The following PPP1R1C variants were observed in gnomAD, a reference collection of about 807,000 sequenced individuals.
PPP1R1C encodes the protein protein phosphatase 1 regulatory inhibitor subunit 1C.
A neutral mutation model predicts 17.4 loss-of-function variants in PPP1R1C; 15 were observed. The ratio of observed to expected loss-of-function variants is 0.86; its 90% confidence interval spans 0.58 to 1.33. PPP1R1C has a LOEUF of 1.33. Ranked by LOEUF, PPP1R1C falls within the 40% of genes most tolerant of loss-of-function variation. PPP1R1C has a pLI of 0.00. For synonymous variants in PPP1R1C, 35 were observed against 43.1 expected (o/e 0.81, Z 0.73); for missense variants, 143 against 130.0 (o/e 1.10, Z -0.48).
At chr2:182,094,679 T>G (rs1688880245) in intron 4 of PPP1R1C, among the ~76,000 whole-genome samples, 1 of 152,192 alleles carries the variant, frequency 6.6e-6, no homozygotes, top group African/African-American at 2.4e-5. Flanking sequence ...TGTAGGCTAA[T>G]GTAAGTGTTT....
intron 1 of PPP1R1C, among the ~76,000 whole-genome samples, chr2:181,955,026 C>A (rs1280401847): frequency 6.6e-6 from 1 of 152,150 alleles, no homozygotes; most frequent in Non-Finnish European, 1.5e-5. Context: ...CCTCTGTCAG[C>A]TTTATAAGCT....
At chr2:182,029,109 G>A (rs9678052) in intron 2 of PPP1R1C, among the ~76,000 whole-genome samples, 3 of 133,156 alleles carry the variant, frequency 2.3e-5, no homozygotes, top group Admixed American at 2.2e-4. Context: ...TGTGTGTCTC[G>A]GCATGTGAGA....
Position 182,100,508 on chromosome 2 carries a change from C to G in PPP1R1C, c.242-16699C>G, listed in dbSNP as rs943148206. Among the ~76,000 whole-genome samples, 238 of 141,618 alleles carry G rather than the reference C, an allele frequency of 1.7e-3. 1 individual carries two copies. The highest frequency in any genetic ancestry group is 6.1e-3 in the African/African-American group (229 of 37,660). The allele number at this position is 141,618 out of a possible 152,430, so 92.9% of individuals were successfully genotyped here. A position where few individuals can be genotyped will look rare whatever the true frequency, so the allele number is the denominator to read the frequency against. On this transcript the variant is annotated intron_variant, in intron 4 of 4. Transcript: ENST00000682840. ...CTAGCAACAGAGCGAGATTCCATCT[C>G]GGAAAAAAAAAAAAAAGACGGGGAG...
At chr2:181,968,166 T>C (rs1379306589) in intron 1 of PPP1R1C, among the ~76,000 whole-genome samples, 1 of 152,230 alleles carries the variant, frequency 6.6e-6, no homozygotes, top group Non-Finnish European at 1.5e-5. Flanking sequence ...GATTATGTAT[T>C]CTTTAGTTGT....
intron 2 of PPP1R1C, among the ~76,000 whole-genome samples, chr2:182,061,000 T>C (rs1193953703): frequency 1.3e-5 from 2 of 152,142 alleles, no homozygotes; most frequent in African/African-American, 4.8e-5. Flanking sequence ...GATACTGCCT[T>C]CCTTGTAGTC....
chr2:182,051,417 A>G (rs1687513317), intron 2 of PPP1R1C, among the ~76,000 whole-genome samples: 1 of 152,224 alleles, frequency 6.6e-6, no homozygotes, highest in Admixed American at 6.5e-5. Context: ...GCAGGCCTAT[A>G]CAGGGAGAAG....
At chr2:182,097,824 G>T (rs934418293) in intron 4 of PPP1R1C, among the ~76,000 whole-genome samples, 5 of 152,110 alleles carry the variant, frequency 3.3e-5, no homozygotes, top group Non-Finnish European at 7.4e-5. Context: ...AGGTGTACAT[G>T]AGCAATTTAT....
chr2:182,010,854 GC>G (rs572316896), intron 2 of PPP1R1C, among the ~76,000 whole-genome samples: 31 of 152,026 alleles, frequency 2.0e-4, no homozygotes, highest in South Asian at 8.3e-4. Context: ...TTTGTCAAAT[GC>G]TTTTTCATCA....
intron 2 of PPP1R1C, among the ~76,000 whole-genome samples, chr2:182,033,722 A>G (rs1226426000): frequency 6.6e-6 from 1 of 152,112 alleles, no homozygotes; most frequent in African/African-American, 2.4e-5. Context: ...ATCTGACCAC[A>G]CTATTCCTCT....
chr2:182,004,657 G>T (rs1013888419), intron 2 of PPP1R1C, among the ~76,000 whole-genome samples: 1 of 152,208 alleles, frequency 6.6e-6, no homozygotes, highest in Non-Finnish European at 1.5e-5. Flanking sequence ...TGCCATGTTG[G>T]CAGGCATTGT....
At chr2:182,067,402 G>A (rs1226610342) in intron 4 of PPP1R1C, among the ~76,000 whole-genome samples, 3 of 151,426 alleles carry the variant, frequency 2.0e-5, no homozygotes, top group African/African-American at 4.9e-5. Context: ...ATAAATCAGA[G>A]AGCAAATCAA....
chr2:181,969,983 A>G (rs1684974117), intron 1 of PPP1R1C, among the ~76,000 whole-genome samples: 1 of 152,180 alleles, frequency 6.6e-6, no homozygotes, highest in Non-Finnish European at 1.5e-5. Flanking sequence ...TGTTAAATTT[A>G]TCTGATAAGA....
At chr2:182,079,406 C>T (rs1010757128) in intron 4 of PPP1R1C, among the ~76,000 whole-genome samples, 3 of 152,134 alleles carry the variant, frequency 2.0e-5, no homozygotes, top group Non-Finnish European at 4.4e-5. Flanking sequence ...GTCTTGTTCC[C>T]TATACACAGG....
chr2:181,985,922 C>T lies in PPP1R1C; in HGVS notation c.-189C>T. The T allele has an allele frequency of 1.6e-6, 1 of 611,318 alleles. No homozygotes were observed. The highest frequency in any genetic ancestry group is 2.8e-5 in the Admixed American group (1 of 35,984). 37.9% of individuals were successfully genotyped at this position (611,318 alleles called of 1,614,324 possible). A position where few individuals can be genotyped will look rare whatever the true frequency, so the allele number is the denominator to read the frequency against. On this transcript the variant is annotated 5_prime_UTR_variant, in exon 1 of 5. Transcript: ENST00000682840. The surrounding 1 kb of genome is among the most constrained non-coding windows in gnomAD (Gnocchi z 4.1). ...GGGGGAACAGGCAAGCCAGGCATCA[C>T]CGTGGATGTTGAAGAAGGGGGTTAC...
At chr2:182,125,155 AT>A (rs1689844121) in intron 5 of PPP1R1C, among the ~76,000 whole-genome samples, 1 of 152,092 alleles carries the variant, frequency 6.6e-6, no homozygotes, top group African/African-American at 2.4e-5. Flanking sequence ...TATTGAGATA[AT>A]TGTGTGCTTT....
At chr2:182,001,009 G>A (rs1685746562) in intron 2 of PPP1R1C, among the ~76,000 whole-genome samples, 1 of 152,168 alleles carries the variant, frequency 6.6e-6, no homozygotes, top group South Asian at 2.1e-4. Flanking sequence ...TAACCTGAGT[G>A]TTCCATGAGG....
intron 4 of PPP1R1C, among the ~76,000 whole-genome samples, chr2:182,101,782 G>C (rs987730118): frequency 5.3e-5 from 8 of 152,202 alleles, no homozygotes; most frequent in African/African-American, 1.9e-4. Flanking sequence ...AAAAAGTCAT[G>C]CTTCTGTGCT....
chr2:182,005,328 C>G (rs1361216600), intron 2 of PPP1R1C, among the ~76,000 whole-genome samples: 1 of 152,212 alleles, frequency 6.6e-6, no homozygotes, highest in Non-Finnish European at 1.5e-5. Context: ...GCCAGAAAAT[C>G]TGGAGCATGG....
In PPP1R1C at chr2:182,112,832, G is replaced by A. The variant is rs572902344; in HGVS notation, c.242-4375G>A. Among the ~76,000 whole-genome samples, 4 of 151,920 alleles carry A rather than the reference G, an allele frequency of 2.6e-5. No homozygotes were observed. In the East Asian group the frequency reaches 5.8e-4, roughly 22 times the overall value. On this transcript the variant is annotated intron_variant, in intron 4 of 4. Transcript: ENST00000682840. The stretch of plus-strand genomic sequence containing the variant: ...AAATCCACACATAGATTCCCTAAAG[G>A]ACTTTAGAATGATTTACAATGGTCT...
Sources: allele counts gnomAD v4.1 joint callset (sites outside exome capture counted in the v4.1 genomes callset), GRCh38; gene constraint gnomAD v4.1.1; non-coding constraint Gnocchi (gnomAD v3.1); transcripts MANE v1.5; gene names NCBI Gene and HGNC (gene_info 2026-07-23, HGNC 2026-07-21).